Variants in XPO1 observed in about 807,000 individuals in gnomAD.
XPO1 encodes the protein exportin-1.
Under a neutral mutation model 133.3 loss-of-function variants are expected in XPO1, and 5 were observed. The observed-to-expected ratio is 0.04, with a 90% CI of 0.02 to 0.08. The LOEUF (loss-of-function observed/expected upper bound fraction) is 0.08. XPO1 is among the 10% of genes least tolerant of loss of function. The pLI, the probability that XPO1 is intolerant of heterozygous loss-of-function variation, is 1.00. For synonymous variants in XPO1, 419 were observed against 408.2 expected (o/e 1.03, Z -0.32); for missense variants, 506 against 1,267.5 (o/e 0.40, Z 9.12).
intron 7 of XPO1, 127 bp downstream of exon 7, chr2:61,499,586 A>T: frequency 1.1e-6 from 1 of 932,554 alleles, no homozygotes. Flanking sequence ...TCTGCAGTTG[A>T]AAACCACTAC....
chr2:61,509,804 C>T (rs1211006430), intron 4 of XPO1, among the ~76,000 whole-genome samples: 1 of 152,068 alleles, frequency 6.6e-6, no homozygotes, highest in Non-Finnish European at 1.5e-5. Flanking sequence ...TGGTTTAAGG[C>T]TTTTGATACA....
intron 4 of XPO1, among the ~76,000 whole-genome samples, chr2:61,522,081 T>C (rs1215745628): frequency 1.3e-5 from 2 of 151,544 alleles, no homozygotes; most frequent in African/African-American, 2.4e-5. Flanking sequence ...TATATATGTT[T>C]TTTTGGAGAT....
At chr2:61,523,378 T>TA (rs1455931096) in intron 3 of XPO1, among the ~76,000 whole-genome samples, 1 of 152,204 alleles carries the variant, frequency 6.6e-6, no homozygotes, top group Non-Finnish European at 1.5e-5. Context: ...ACTAAAAGTA[T>TA]AAAAAATTAA....
rs1442066406 is a variant in XPO1 at position 61,509,196 on chromosome 2, G to T, written c.302-6886C>A. On this transcript the variant is annotated intron_variant, in intron 4 of 24. Transcript: ENST00000401558. ...TTTTTTTTTTTTTAGGTAAAGACAA[G>T]GTTTCACTATGTTGGCCAGGCTGTT... Among the ~76,000 whole-genome samples the T allele has an allele frequency of 2.0e-5, 3 of 151,120 alleles. No homozygotes were observed. In the East Asian group the frequency reaches 5.9e-4, roughly 29 times the overall value.
At chr2:61,498,527 G>A (rs1413555088) in intron 9 of XPO1, 146 bp downstream of exon 9, 9 of 950,166 alleles carry the variant, frequency 9.5e-6, no homozygotes, top group African/African-American at 3.3e-5. Flanking sequence ...TTTACTAGGT[G>A]TGAATATGGG....
intron 23 of XPO1, among the ~76,000 whole-genome samples, chr2:61,482,034 CTTTTTTTTTTT>C (rs1195049382): frequency 1.4e-5 from 1 of 71,368 alleles, no homozygotes; most frequent in African/African-American, 4.9e-5. Flanking sequence ...CGTGCGTGGC[CTTTTTTTTTTT>C]TTTTTTTTTT....
intron 11 of XPO1, chr2:61,494,807 T>C (rs968343854): frequency 4.0e-5 from 6 of 148,726 alleles, no homozygotes; most frequent in Non-Finnish European, 7.4e-5. Flanking sequence ...TATATATATA[T>C]ACTTAAGTTT....
intron 4 of XPO1, among the ~76,000 whole-genome samples, chr2:61,514,269 T>C (rs1415986502): frequency 2.6e-5 from 4 of 151,578 alleles, no homozygotes; most frequent in African/African-American, 7.3e-5. Flanking sequence ...TGTAAGGATA[T>C]GTGATGGAAC....
At chr2:61,525,194 C>G in intron 3 of XPO1, 1 of 878,190 alleles carries the variant, frequency 1.1e-6, no homozygotes, top group Non-Finnish European at 1.4e-6. Context: ...TTGAATTCCC[C>G]TTTCCCCTCC....
chr2:61,483,184 C>G (rs1356827079), intron 21 of XPO1, 93 bp from the exon 22 acceptor site: 1 of 1,400,014 alleles, frequency 7.1e-7, no homozygotes, highest in African/African-American at 1.5e-5. Flanking sequence ...GAATCTAACC[C>G]TGTTCTCCCT....
chr2:61,499,784 G>A lies in XPO1; in HGVS notation c.519C>T (p.Leu173=). Residue 173 remains leucine, a synonymous_variant, in exon 7 of 25, where the codon CTC becomes CTT. Transcript: ENST00000401558. ...AGAAATCAAATACTTCTTCACTCAA[G>A]AGTTTAAGAATCACCATATTATTTT... ...LCQNNMVILK[L]LSEEVFDFSS... is the part of the protein sequence containing the mutation. 1 of 1,612,792 alleles carries A rather than the reference G, an allele frequency of 6.2e-7. No homozygotes were observed.
Position 61,493,158 on chromosome 2 carries a change from A to G in XPO1, c.1246-105T>C. The G allele has an allele frequency of 6.0e-6, 7 of 1,167,552 alleles. No homozygotes were observed. The South Asian group carries it at 1.0e-4, about 17-fold the overall frequency. The allele number at this position is 1,167,552 out of a possible 1,614,324, so 72.3% of individuals were successfully genotyped here. Reference sequence around the variant, plus strand: ...AACAAAACCAAAAAAACCACAAGCCAGCCATGTGTAGGGATTCATGCCTAT... The same window carrying G: ...AACAAAACCAAAAAAACCACAAGCCGGCCATGTGTAGGGATTCATGCCTAT... On this transcript the variant is annotated intron_variant, in intron 12 of 24. Transcript: ENST00000401558.
At position 61,492,967 on chromosome 2, in the gene XPO1, G is replaced by A. The variant is rs375587928; in HGVS notation, c.1332C>T (p.Phe444=). 8 of 1,610,706 alleles carry A rather than the reference G, an allele frequency of 5.0e-6. No individual in the cohort carries two copies. The African/African-American group carries it at 1.1e-4, about 22-fold the overall frequency. ...AATTTATGGAATCTGTATCCTTCAT[G>A]AATTCTCTCACAACTTCTCCTTGAT... ...ENDQGEVVRE[F]MKDTDSINLY... The change falls in exon 13 of 25, where the codon TTC becomes TTT. Residue 444 remains phenylalanine, a synonymous_variant. Coordinates refer to ENST00000401558, the MANE Select transcript of XPO1 (RefSeq NM_003400.4). The surrounding 1 kb of genome is among the most constrained non-coding windows in gnomAD (Gnocchi z 5.6).
rs1307711232 is a variant in XPO1, at chr2:61,492,775, G to A, written c.1385-27C>T. 4 of 1,603,710 alleles carry A rather than the reference G, an allele frequency of 2.5e-6. 1 individual carries two copies. In the South Asian group the frequency reaches 3.4e-5, roughly 14 times the overall value. ...TACAAAGAAAAACATGGTTTCAAATGCAAATAATGAGCAGAATTTTATTGA... is the reference window on the plus strand; with the variant it reads ...TACAAAGAAAAACATGGTTTCAAATACAAATAATGAGCAGAATTTTATTGA... On this transcript the variant is annotated intron_variant, in intron 13 of 24. Transcript: ENST00000401558. The surrounding 1 kb of genome is among the most constrained non-coding windows in gnomAD (Gnocchi z 5.6).
chr2:61,489,769 T>C (rs1165130723), intron 17 of XPO1, among the ~76,000 whole-genome samples: 1 of 152,022 alleles, frequency 6.6e-6, no homozygotes, highest in Non-Finnish European at 1.5e-5. Flanking sequence ...TTAGCCATGA[T>C]GGTCTCGATC....
intron 4 of XPO1, among the ~76,000 whole-genome samples, chr2:61,512,060 C>T (rs1293805131): frequency 1.3e-5 from 2 of 152,150 alleles, no homozygotes; most frequent in Non-Finnish European, 2.9e-5. Context: ...TGAGACATCG[C>T]ACCAGGCATT....
intron 2 of XPO1, among the ~76,000 whole-genome samples, chr2:61,530,008 A>G (rs1016196144): frequency 6.6e-6 from 1 of 152,260 alleles, no homozygotes; most frequent in Non-Finnish European, 1.5e-5. Flanking sequence ...GAGAAATGAC[A>G]GAAGGCCGAA....
chr2:61,488,814 A>G (rs749269923), intron 17 of XPO1, 43 bp from the exon 18 acceptor site: 2 of 1,600,894 alleles, frequency 1.2e-6, no homozygotes, highest in Non-Finnish European at 1.7e-6. Flanking sequence ...TATAAGAATT[A>G]TCCACGGCTG....
chr2:61,521,851 C>T (rs1442795476), intron 4 of XPO1, among the ~76,000 whole-genome samples: 1 of 150,638 alleles, frequency 6.6e-6, no homozygotes, highest in Admixed American at 6.6e-5. Flanking sequence ...AACCTCTTGG[C>T]TCAAGGGATC....
Sources: allele counts gnomAD v4.1 joint callset (sites outside exome capture counted in the v4.1 genomes callset), GRCh38; gene constraint gnomAD v4.1.1; non-coding constraint Gnocchi (gnomAD v3.1); transcripts MANE v1.5; gene names NCBI Gene and HGNC (gene_info 2026-07-23, HGNC 2026-07-21).